Variants in SORCS3 observed in about 807,000 individuals in gnomAD.
SORCS3 encodes sortilin related VPS10 domain containing receptor 3.
SORCS3 carries 57 observed loss-of-function variants against 146.3 expected under a neutral mutation model. The observed-to-expected ratio is 0.39, with a 90% CI of 0.31 to 0.49. The LOEUF (loss-of-function observed/expected upper bound fraction) is 0.49, where lower values mean the gene tolerates loss of function less well. SORCS3 is among the 20% of genes least tolerant of loss of function. SORCS3 has a pLI of 0.92. For missense variants in SORCS3, 1,341 were observed against 1,575.5 expected, an observed-to-expected ratio of 0.85 and a Z score of 2.52; for synonymous variants, 653 against 618.5, an observed-to-expected ratio of 1.06 and a Z score of -0.83.
chr10:105,013,219 T>C (rs1431331497), intron 4 of SORCS3, among the ~76,000 whole-genome samples: 1 of 152,086 alleles, frequency 6.6e-6, no homozygotes. Flanking sequence ...AAAAAATTAT[T>C]AGCAAACTAG....
intron 3 of SORCS3, among the ~76,000 whole-genome samples, chr10:104,976,317 C>T (rs1448086454): frequency 6.6e-6 from 1 of 152,106 alleles, no homozygotes; most frequent in African/African-American, 2.4e-5. Flanking sequence ...AAAATGCTCA[C>T]CATCACTGGC....
At chr10:104,698,937 G>A (rs2016248683) in intron 1 of SORCS3, among the ~76,000 whole-genome samples, 1 of 152,128 alleles carries the variant, frequency 6.6e-6, no homozygotes, top group South Asian at 2.1e-4. Context: ...GGTGCTAGGT[G>A]GAATTTGGAT....
At chr10:104,911,110 G>T (rs1025213307) in intron 2 of SORCS3, among the ~76,000 whole-genome samples, 1 of 152,232 alleles carries the variant, frequency 6.6e-6, no homozygotes, top group South Asian at 2.1e-4. Context: ...AGCAAGTTCT[G>T]CCAGCATAAA....
At chr10:105,160,088 T>G (rs935038207) in intron 11 of SORCS3, among the ~76,000 whole-genome samples, 1 of 152,154 alleles carries the variant, frequency 6.6e-6, no homozygotes, top group Non-Finnish European at 1.5e-5. Flanking sequence ...GATTGGTTTT[T>G]CCAACTCAAG....
At chr10:104,823,730 A>G (rs574540110) in intron 1 of SORCS3, among the ~76,000 whole-genome samples, 1 of 152,312 alleles carries the variant, frequency 6.6e-6, no homozygotes, top group South Asian at 2.1e-4. Flanking sequence ...TGGCCTCCCA[A>G]AGATACCCAT....
At chr10:105,016,862 C>G (rs770536186) in intron 4 of SORCS3, among the ~76,000 whole-genome samples, 1 of 152,100 alleles carries the variant, frequency 6.6e-6, no homozygotes, top group African/African-American at 2.4e-5. Flanking sequence ...AAATGTTACT[C>G]TGAGCTGAAG....
At position 105,031,702 on chromosome 10, in the gene SORCS3, T is replaced by C. The variant is rs116747561; in HGVS notation, c.955-11353T>C. On this transcript the variant is annotated intron_variant, in intron 4 of 26. Coordinates refer to ENST00000369701, the MANE Select transcript of SORCS3 (RefSeq NM_014978.3). ...CATTTGCTTCTGCCTAGATTTCACC[T>C]TTTGTTTCTGCTTCTGCCCTCCAAT... Among the ~76,000 whole-genome samples the C allele has an allele frequency of 9.2e-3, 1,406 of 152,324 alleles. 18 individuals carry two copies. Among genetic ancestry groups the C allele is most frequent in the African/African-American group, 0.032 (1,312 of 41,570 alleles).
At chr10:104,987,190 G>GA (rs2054967212) in intron 4 of SORCS3, among the ~76,000 whole-genome samples, 1 of 151,798 alleles carries the variant, frequency 6.6e-6, no homozygotes, top group African/African-American at 2.4e-5. Flanking sequence ...AGGACGGAAC[G>GA]AAAGAAGGAA....
intron 20 of SORCS3, among the ~76,000 whole-genome samples, chr10:105,232,616 G>A (rs1450877990): frequency 1.3e-5 from 2 of 150,712 alleles, no homozygotes; most frequent in African/African-American, 4.9e-5. Flanking sequence ...TGAGATGGGA[G>A]GTTAGATGAC....
At chr10:104,954,127 G>T (rs1253028618) in intron 3 of SORCS3, among the ~76,000 whole-genome samples, 1 of 152,044 alleles carries the variant, frequency 6.6e-6, no homozygotes, top group Non-Finnish European at 1.5e-5. Context: ...ACTGATAGGG[G>T]GTTTGGTTAC....
chr10:104,876,703 T>TTTCCTTCCTTCCTTCCTTCC lies in SORCS3; in HGVS notation c.695+33871_695+33890dup, dbSNP rs747594890. On this transcript the variant is annotated intron_variant, in intron 2 of 26. Transcript: ENST00000369701. ...GCACATGCAATGAACTGGTCCAGGTTTTCCTTCCTTCCTTCCTTCCTTCCT... is the reference window on the plus strand; with the variant it reads ...GCACATGCAATGAACTGGTCCAGGTTTTCCTTCCTTCCTTCCTTCCTTCCTTCCTTCCTTCCTTCCTTCCT... Among the ~76,000 whole-genome samples, 140 of 104,706 alleles carry TTTCCTTCCTTCCTTCCTTCC rather than the reference T, an allele frequency of 1.3e-3. 1 individual carries two copies. The highest frequency in any genetic ancestry group is 6.9e-3 in the South Asian group (18 of 2,626). 68.7% of individuals were successfully genotyped at this position (104,706 alleles called of 152,430 possible). A position where few individuals can be genotyped will look rare whatever the true frequency, so the allele number is the denominator to read the frequency against.
intron 9 of SORCS3, among the ~76,000 whole-genome samples, chr10:105,151,715 T>C (rs2056169151): frequency 6.6e-6 from 1 of 151,734 alleles, no homozygotes; most frequent in Non-Finnish European, 1.5e-5. Flanking sequence ...TCAACCCCAC[T>C]GAACTCCCCA....
At chr10:105,016,448 C>T (rs1052551633) in intron 4 of SORCS3, among the ~76,000 whole-genome samples, 1 of 151,706 alleles carries the variant, frequency 6.6e-6, no homozygotes, top group African/African-American at 2.4e-5. Flanking sequence ...TGTGCCTGGC[C>T]TTATAAATAT....
At chr10:104,700,851 A>T (rs67700133) in intron 1 of SORCS3, among the ~76,000 whole-genome samples, 30,967 of 152,112 alleles carry the variant, frequency 0.2, 3,501 homozygotes, top group Non-Finnish European at 0.26. Context: ...ACAGGGACCT[A>T]TTGGATCTCA....
At chr10:104,983,660 G>A (rs1170619373) in intron 4 of SORCS3, among the ~76,000 whole-genome samples, 1 of 151,934 alleles carries the variant, frequency 6.6e-6, no homozygotes, top group Non-Finnish European at 1.5e-5. Context: ...GTTTTTTTCT[G>A]TTAATAACAC....
At chr10:105,203,078 T>C (rs1367294745) in intron 16 of SORCS3, among the ~76,000 whole-genome samples, 1 of 152,190 alleles carries the variant, frequency 6.6e-6, no homozygotes, top group Non-Finnish European at 1.5e-5. Context: ...GCTTGATTTG[T>C]ACTAGAAACT....
At chr10:104,691,643 C>T (rs2133422473) in intron 1 of SORCS3, among the ~76,000 whole-genome samples, 1 of 152,276 alleles carries the variant, frequency 6.6e-6, no homozygotes, top group East Asian at 1.9e-4. Context: ...TAATTGGCTG[C>T]CCTGTCCCTC....
chr10:105,216,724 C>A (rs911583025), intron 18 of SORCS3, among the ~76,000 whole-genome samples: 1 of 152,104 alleles, frequency 6.6e-6, no homozygotes, highest in Non-Finnish European at 1.5e-5. Flanking sequence ...CAGCTTGCCC[C>A]GAGCTTGGGC....
At chr10:104,810,166 G>T (rs1247152005) in intron 1 of SORCS3, among the ~76,000 whole-genome samples, 2 of 152,136 alleles carry the variant, frequency 1.3e-5, no homozygotes, top group East Asian at 3.8e-4. Context: ...AGAAATAAAG[G>T]ATTTTCACCT....
Sources: allele counts gnomAD v4.1 joint callset (sites outside exome capture counted in the v4.1 genomes callset), GRCh38; gene constraint gnomAD v4.1.1; transcripts MANE v1.5; gene names NCBI Gene and HGNC (gene_info 2026-07-23, HGNC 2026-07-21).